Variants in TRIM58 observed in about 807,000 individuals in gnomAD.
TRIM58 encodes the protein tripartite motif containing 58.
In TRIM58, 38 loss-of-function variants were observed where a neutral mutation model predicts 34.1. That is an observed-to-expected ratio of 1.12 (90% CI 0.86 to 1.46). The LOEUF is 1.46. TRIM58 is among the 40% of genes most tolerant of loss of function. The pLI is 0.00. For synonymous variants in TRIM58, 273 were observed against 275.7 expected (o/e 0.99, Z 0.10); for missense variants, 677 against 642.0 (o/e 1.05, Z -0.59).
At chr1:247,864,082 T>C (rs1663860573) in intron 2 of TRIM58, among the ~76,000 whole-genome samples, 1 of 152,168 alleles carries the variant, frequency 6.6e-6, no homozygotes, top group African/African-American at 2.4e-5. Context: ...GTGTGACTGC[T>C]CTATGCTAAT....
rs1463908604 is a variant in TRIM58, at chr1:247,857,355, C to G, written c.109C>G (p.Leu37Val). Reference protein sequence around the residue: ...VSVDCGHSFCLRCISEFCEKS... With the variant: ...VSVDCGHSFCVRCISEFCEKS... ...CGTGGACTGCGGCCACAGCTTCTGC[C>G]TCAGGTGCATCTCCGAGTTCTGCGA... The change falls in exon 1 of 6, where the codon CTC (leucine) becomes GTC (valine). Residue 37 changes from leucine (L) to valine (V), a missense_variant. Leu to Val is a conservative substitution (Grantham distance 32). Transcript: ENST00000366481. 2 of 1,520,712 alleles carry G rather than the reference C, an allele frequency of 1.3e-6. No individual in the cohort carries two copies. Among genetic ancestry groups the G allele is most frequent in the African/African-American group, 2.9e-5 (2 of 70,008 alleles). The allele number at this position is 1,520,712 out of a possible 1,614,324, so 94.2% of individuals were successfully genotyped here.
At chr1:247,862,207 TTATCAA>T (rs1329751952) in intron 2 of TRIM58, among the ~76,000 whole-genome samples, 3 of 152,206 alleles carry the variant, frequency 2.0e-5, no homozygotes, top group Non-Finnish European at 2.9e-5. Flanking sequence ...AGGATAAAAG[TTATCAA>T]TATTAAATAA....
intron 4 of TRIM58, 45 bp downstream of exon 4, chr1:247,867,912 G>C (rs201683046): frequency 5.6e-5 from 90 of 1,613,882 alleles, no homozygotes; most frequent in Non-Finnish European, 6.9e-5. Flanking sequence ...GAGAGGCAGA[G>C]GAGCTGGTGG....
intron 5 of TRIM58, among the ~76,000 whole-genome samples, chr1:247,868,769 A>G (rs1289959588): frequency 1.3e-5 from 2 of 152,220 alleles, no homozygotes; most frequent in South Asian, 2.1e-4. Flanking sequence ...TACAGAGGCT[A>G]GAGATGAACA....
rs1659277431 is a variant in TRIM58 at position 247,876,047 on chromosome 1, G to A, written c.1019G>A (p.Ser340Asn). The change falls in exon 6 of 6, where the codon AGC becomes AAC. Residue 340 changes from serine to asparagine, a missense_variant. Transcript: ENST00000366481. ...DTWPCILGLQ[S>N]FSSGRHYWEV... ...TGGCCCTGCATCCTGGGTTTGCAGA[G>A]CTTCTCATCAGGGAGGCATTACTGG... 1.9e-6 allele frequency: 3 copies of A among 1,614,214 alleles called. No individual in the cohort carries two copies. The highest frequency in any genetic ancestry group is 1.6e-4 in the Middle Eastern group (1 of 6,062).
At chr1:247,871,763 A>C (rs986614135) in intron 5 of TRIM58, among the ~76,000 whole-genome samples, 4 of 152,246 alleles carry the variant, frequency 2.6e-5, no homozygotes, top group Admixed American at 2.6e-4. Flanking sequence ...TCATTCAACA[A>C]CAACAACAAA....
At position 247,877,550 on chromosome 1, in the gene TRIM58, C is replaced by A. The variant is rs894282376; in HGVS notation, c.*1061C>A. On this transcript the variant is annotated 3_prime_UTR_variant, in exon 6 of 6. Transcript: ENST00000366481. Reference sequence around the variant, plus strand: ...TGAGCCAATATCTCACCACTGTACTCCAGCCCAGTGCGAGACTCCATCTCA... The same window carrying A: ...TGAGCCAATATCTCACCACTGTACTACAGCCCAGTGCGAGACTCCATCTCA... 8 of 152,144 alleles carry A rather than the reference C, an allele frequency of 5.3e-5. No homozygotes were observed. The highest frequency in any genetic ancestry group is 1.7e-4 in the African/African-American group (7 of 41,436). 9.4% of individuals were successfully genotyped at this position (152,144 alleles called of 1,614,324 possible). A position where few individuals can be genotyped will look rare whatever the true frequency, so the allele number is the denominator to read the frequency against.
In TRIM58 at chr1:247,868,058, T is replaced by G. The variant is rs773171521; in HGVS notation, c.866T>G (p.Phe289Cys). 48 of 1,603,610 alleles carry G rather than the reference T, an allele frequency of 3.0e-5. No homozygotes were observed. The highest frequency in any genetic ancestry group is 4.0e-5 in the Non-Finnish European group (47 of 1,175,654). ...GGGAGGAGGGAGCTCTTAAGGAAGT[T>G]CCAAGGTAGTTGCATCTTAGAGACT... ...IPGRRELLRKFQVDVKLDPAT... is the reference protein window; with the variant it reads ...IPGRRELLRKCQVDVKLDPAT... Residue 289 changes from phenylalanine (F) to cysteine (C), a missense_variant, in exon 5 of 6, where the codon TTC becomes TGC. Transcript: ENST00000366481.
At chr1:247,874,270 G>C (rs73139877) in intron 5 of TRIM58, among the ~76,000 whole-genome samples, 8,127 of 152,262 alleles carry the variant, frequency 0.053, 721 homozygotes, top group African/African-American at 0.18. Flanking sequence ...GAAAGCAAAG[G>C]AGGAGCCAGC....
chr1:247,869,408 A>G (rs997593684), intron 5 of TRIM58, among the ~76,000 whole-genome samples: 23 of 152,234 alleles, frequency 1.5e-4, no homozygotes, highest in African/African-American at 4.6e-4. Context: ...CTTTCTGGGT[A>G]ATCACCAACC....
rs1409474488 is a variant in TRIM58 at position 247,857,684 on chromosome 1, G to T, written c.420+18G>T. On this transcript the variant is annotated intron_variant, in intron 1 of 5. Coordinates refer to ENST00000366481, the MANE Select transcript of TRIM58 (RefSeq NM_015431.4). ...GCTACCAGGTGAGGCGCCCCCCGGCGGGGGCTGCGGGCGCTGCGGTGACCG... is the reference window on the plus strand; with the variant it reads ...GCTACCAGGTGAGGCGCCCCCCGGCTGGGGCTGCGGGCGCTGCGGTGACCG... The T allele has an allele frequency of 4.1e-6, 5 of 1,220,740 alleles. No individual in the cohort carries two copies. Among genetic ancestry groups the T allele is most frequent in the Admixed American group, 4.4e-5 (1 of 22,884 alleles). The allele number at this position is 1,220,740 out of a possible 1,614,324, so 75.6% of individuals were successfully genotyped here.
chr1:247,872,023 G>T (rs930646760), intron 5 of TRIM58, among the ~76,000 whole-genome samples: 1 of 152,226 alleles, frequency 6.6e-6, no homozygotes, highest in African/African-American at 2.4e-5. Context: ...AGGATGGCAG[G>T]TGTGTTCCAG....
At chr1:247,870,112 T>TGCAGGGACTTCAG (rs1408108389) in intron 5 of TRIM58, among the ~76,000 whole-genome samples, 1 of 152,196 alleles carries the variant, frequency 6.6e-6, no homozygotes, top group Non-Finnish European at 1.5e-5. Flanking sequence ...TTAATTAAAA[T>TGCAGGGACTTCAG]GCAGGGACTT....
At chr1:247,859,282 T>C (rs1663722192) in intron 1 of TRIM58, among the ~76,000 whole-genome samples, 1 of 152,194 alleles carries the variant, frequency 6.6e-6, no homozygotes, top group Non-Finnish European at 1.5e-5. Flanking sequence ...ACAGTTTCTT[T>C]GGCCTGAGGG....
chr1:247,863,543 A>C (rs888191954), intron 2 of TRIM58, among the ~76,000 whole-genome samples: 1 of 152,098 alleles, frequency 6.6e-6, no homozygotes, highest in African/African-American at 2.4e-5. Context: ...GTCTCAAAAA[A>C]AAGATTAAAA....
At chr1:247,867,532 G>GA (rs1370475217) in intron 3 of TRIM58, among the ~76,000 whole-genome samples, 14 of 151,928 alleles carry the variant, frequency 9.2e-5, no homozygotes, top group African/African-American at 3.4e-4. Flanking sequence ...CATCTCTACT[G>GA]AAAATACAAA....
chr1:247,874,016 G>A (rs1170829535), intron 5 of TRIM58, among the ~76,000 whole-genome samples: 2 of 151,850 alleles, frequency 1.3e-5, no homozygotes, highest in Non-Finnish European at 2.9e-5. Context: ...AAGTATAGTG[G>A]TAGTGGTAGT....
At position 247,876,087 on chromosome 1, in the gene TRIM58, A is replaced by T; in HGVS notation, c.1059A>T (p.Gly353=). The T allele has an allele frequency of 6.2e-7, 1 of 1,614,156 alleles. No homozygotes were observed. The highest frequency in any genetic ancestry group is 8.5e-7 in the Non-Finnish European group (1 of 1,180,026). The change falls in exon 6 of 6, where the codon GGA becomes GGT. Residue 353 remains glycine (G), a synonymous_variant. Coordinates refer to ENST00000366481, the MANE Select transcript of TRIM58 (RefSeq NM_015431.4). Reference sequence around the variant, plus strand: ...GGCATTACTGGGAGGTTCTGGTGGGAGAAGGAGCAGAGTGGGGTTTAGGGG... The same window carrying T: ...GGCATTACTGGGAGGTTCTGGTGGGTGAAGGAGCAGAGTGGGGTTTAGGGG... ...SGRHYWEVLV[G]EGAEWGLGVC... is the part of the protein sequence containing the mutation.
Position 247,879,852 on chromosome 1 carries a change from C to G in TRIM58, c.*3363C>G, listed in dbSNP as rs988913868. 6.6e-6 allele frequency among the ~76,000 whole-genome samples: 1 copy of G among 151,922 alleles called. No homozygotes were observed. Among genetic ancestry groups the G allele is most frequent in the East Asian group, 1.9e-4 (1 of 5,140 alleles). On this transcript the variant is annotated 3_prime_UTR_variant, in exon 6 of 6. Transcript: ENST00000366481. ...GTGATACCACACAGCCCTACTCCCC[C>G]CAGAGCCCATCTAGAGCTCACCTTT...
Sources: gnomAD v4.1 joint callset for allele counts (sites outside exome capture counted in the v4.1 genomes callset) on GRCh38, gnomAD v4.1.1 for gene constraint, MANE v1.5 for transcripts, NCBI Gene and HGNC (gene_info 2026-07-23, HGNC 2026-07-21) for gene names.